Variants in C10orf90 observed in about 807,000 individuals in gnomAD.
C10orf90 encodes chromosome 10 open reading frame 90.
Under a neutral mutation model 62.5 loss-of-function variants are expected in C10orf90, and 56 were observed. That is an observed-to-expected ratio of 0.90 (90% CI 0.72 to 1.12). The LOEUF (loss-of-function observed/expected upper bound fraction) is 1.12. Ranked by LOEUF, C10orf90 falls within the 50% of genes most tolerant of loss-of-function variation. The probability of loss-of-function intolerance (pLI) is 0.00; values close to 1 mark genes in which losing one functional copy is unlikely to be tolerated. For missense variants in C10orf90, 970 were observed against 880.4 expected (o/e 1.10, Z -1.29); for synonymous variants, 386 against 340.4 (o/e 1.13, Z -1.47).
intron 2 of C10orf90, among the ~76,000 whole-genome samples, chr10:126,637,656 A>C (rs1564903471): frequency 6.6e-6 from 1 of 152,200 alleles, no homozygotes; most frequent in Non-Finnish European, 1.5e-5. Flanking sequence ...GGTCATGGCC[A>C]CTTGGCAGGA....
At chr10:126,541,537 G>A (rs1864377220) in intron 2 of C10orf90, among the ~76,000 whole-genome samples, 1 of 152,134 alleles carries the variant, frequency 6.6e-6, no homozygotes, top group Non-Finnish European at 1.5e-5. Flanking sequence ...TATGGGCAAA[G>A]AACTTCAGTA....
intron 2 of C10orf90, among the ~76,000 whole-genome samples, chr10:126,627,021 A>G (rs1199243380): frequency 1.7e-5 from 1 of 60,134 alleles, no homozygotes; most frequent in Non-Finnish European, 3.2e-5. Context: ...TTTTTTTGAG[A>G]CGTAGTCTCG....
At chr10:126,490,305 G>A (rs1278502656) in intron 4 of C10orf90, among the ~76,000 whole-genome samples, 1 of 151,320 alleles carries the variant, frequency 6.6e-6, no homozygotes, top group Non-Finnish European at 1.5e-5. Flanking sequence ...TCACTTATAT[G>A]ACATACCTAG....
chr10:126,565,612 C>T (rs922576882), intron 2 of C10orf90, among the ~76,000 whole-genome samples: 6 of 151,066 alleles, frequency 4.0e-5, no homozygotes, highest in South Asian at 2.1e-4. Flanking sequence ...CTCTGCGGTC[C>T]AGGCTCTGCA....
chr10:126,449,799 C>T (rs371090392), intron 7 of C10orf90, among the ~76,000 whole-genome samples: 324 of 152,102 alleles, frequency 2.1e-3, no homozygotes, highest in African/African-American at 7.3e-3. Context: ...GAGTTTGAAA[C>T]GAGCCTGGCC....
At chr10:126,621,701 C>A (rs1306346601) in intron 2 of C10orf90, among the ~76,000 whole-genome samples, 1 of 152,192 alleles carries the variant, frequency 6.6e-6, no homozygotes, top group Non-Finnish European at 1.5e-5. Flanking sequence ...TTCAGTCTGA[C>A]AATCTTATGG....
intron 7 of C10orf90, among the ~76,000 whole-genome samples, chr10:126,437,634 A>G (rs1858009826): frequency 1.3e-5 from 2 of 152,258 alleles, no homozygotes; most frequent in East Asian, 1.9e-4. Context: ...TAGCATAAAT[A>G]TGGGACATAA....
chr10:126,537,526 C>A (rs201969478), intron 2 of C10orf90, among the ~76,000 whole-genome samples: 2 of 152,294 alleles, frequency 1.3e-5, no homozygotes, highest in Middle Eastern at 3.4e-3. Context: ...CCCGCTTGGG[C>A]CTTTGACCAA....
intron 4 of C10orf90, among the ~76,000 whole-genome samples, chr10:126,482,401 C>T (rs76788810): frequency 0.026 from 3,897 of 152,264 alleles, 76 homozygotes; most frequent in Non-Finnish European, 0.035. Context: ...CCATCAGAAC[C>T]ATTTCACATG....
chr10:126,634,836 G>C (rs976968573), intron 2 of C10orf90, among the ~76,000 whole-genome samples: 1 of 152,160 alleles, frequency 6.6e-6, no homozygotes, highest in African/African-American at 2.4e-5. Context: ...TTTTCACCCA[G>C]ACACTGACTC....
At chr10:126,427,933 A>T (rs1857355545) in intron 8 of C10orf90, among the ~76,000 whole-genome samples, 2 of 152,194 alleles carry the variant, frequency 1.3e-5, no homozygotes, top group South Asian at 4.1e-4. Context: ...AACCGTAACT[A>T]ATATACCTGG....
At chr10:126,486,446 C>T (rs1861439152) in intron 4 of C10orf90, among the ~76,000 whole-genome samples, 1 of 152,152 alleles carries the variant, frequency 6.6e-6, no homozygotes, top group Non-Finnish European at 1.5e-5. Context: ...TAAGAAACAA[C>T]TTAAGCAAAA....
chr10:126,626,792 G>A (rs1012689835), intron 2 of C10orf90, among the ~76,000 whole-genome samples: 7 of 152,122 alleles, frequency 4.6e-5, no homozygotes, highest in African/African-American at 1.7e-4. Flanking sequence ...TTCACCAGGA[G>A]CATTCACCTT....
intron 3 of C10orf90, among the ~76,000 whole-genome samples, chr10:126,510,793 C>T (rs921109909): frequency 4.6e-5 from 7 of 152,108 alleles, no homozygotes; most frequent in Admixed American, 1.3e-4. Context: ...TATATTTATG[C>T]CTTGAGGTAT....
At chr10:126,578,958 G>C (rs1844683913) in intron 2 of C10orf90, among the ~76,000 whole-genome samples, 1 of 152,152 alleles carries the variant, frequency 6.6e-6, no homozygotes, top group Non-Finnish European at 1.5e-5. Context: ...CTGTTTCTTG[G>C]TCTGGCTCCC....
At chr10:126,569,937 C>A (rs1433540691) in intron 2 of C10orf90, among the ~76,000 whole-genome samples, 1 of 150,456 alleles carries the variant, frequency 6.6e-6, no homozygotes, top group Admixed American at 6.6e-5. Flanking sequence ...AAAAGAAAAA[C>A]AATGCTGCTT....
chr10:126,451,917 G>A (rs1859227854), intron 7 of C10orf90, among the ~76,000 whole-genome samples: 1 of 152,132 alleles, frequency 6.6e-6, no homozygotes, highest in Non-Finnish European at 1.5e-5. Context: ...TTGGTTACCA[G>A]GGGATAGCAG....
intron 2 of C10orf90, among the ~76,000 whole-genome samples, chr10:126,590,518 T>C (rs1446830701): frequency 1.3e-5 from 2 of 152,186 alleles, no homozygotes; most frequent in African/African-American, 2.4e-5. Flanking sequence ...AAATTAGAAC[T>C]TAATATTAAG....
chr10:126,634,550 G>T (rs1845912109), intron 2 of C10orf90, among the ~76,000 whole-genome samples: 1 of 151,972 alleles, frequency 6.6e-6, no homozygotes, highest in African/African-American at 2.4e-5. Flanking sequence ...ATACAACATT[G>T]CACCTAGAGT....
Sources: allele counts gnomAD v4.1 joint callset (sites outside exome capture counted in the v4.1 genomes callset), GRCh38; gene constraint gnomAD v4.1.1; transcripts MANE v1.5; gene names NCBI Gene and HGNC (gene_info 2026-07-23, HGNC 2026-07-21).